Variants in AP1S3 observed in about 807,000 individuals in gnomAD.
The protein encoded by AP1S3 is AP-1 complex subunit sigma-3.
In AP1S3, 10 loss-of-function variants were observed where a neutral mutation model predicts 20.9. That is an observed-to-expected ratio of 0.48 (90% CI 0.29 to 0.81). The LOEUF (loss-of-function observed/expected upper bound fraction) is 0.81. Among genes scored for constraint, AP1S3 ranks in the 30% least tolerant of loss-of-function variants. The pLI is 0.08. For synonymous variants in AP1S3, 41 were observed against 61.5 expected, an observed-to-expected ratio of 0.67 and a Z score of 1.56; for missense variants, 154 against 183.8, an observed-to-expected ratio of 0.84 and a Z score of 0.94.
At chr2:223,832,234 G>A (rs12694622) in intron 1 of AP1S3, among the ~76,000 whole-genome samples, 48,394 of 149,638 alleles carry the variant, frequency 0.32, 8,264 homozygotes, top group Middle Eastern at 0.42. Context: ...AATAATTCAC[G>A]GGACCCAAAA....
At chr2:223,822,941 T>A (rs1390967452) in intron 1 of AP1S3, among the ~76,000 whole-genome samples, 1 of 151,804 alleles carries the variant, frequency 6.6e-6, no homozygotes, top group Admixed American at 6.6e-5. Flanking sequence ...ACATAGACAT[T>A]TCTTGAAAAA....
chr2:223,786,750 C>T (rs771400057), intron 1 of AP1S3, among the ~76,000 whole-genome samples: 8 of 151,846 alleles, frequency 5.3e-5, no homozygotes, highest in Non-Finnish European at 7.4e-5. Context: ...AAAAAAGATA[C>T]AAAAATTAGC....
intron 3 of AP1S3, among the ~76,000 whole-genome samples, chr2:223,774,289 C>T (rs9797994): frequency 0.65 from 98,653 of 151,340 alleles, 32,914 homozygotes; most frequent in East Asian, 0.81. Flanking sequence ...CGCTTGAACT[C>T]GGGAGGCAGA....
In AP1S3 at chr2:223,777,813, G is replaced by A; in HGVS notation, c.60C>T (p.Tyr20=). ...TCCTCTCTTTATCAGGGAGAGTGAT[G>A]TACCATTTCTGTAGCCGTAATTTCC... ...RQGKLRLQKW[Y]ITLPDKERKK... The change falls in exon 2 of 5, where the codon TAC becomes TAT. Residue 20 remains tyrosine (Y), a synonymous_variant. Coordinates refer to ENST00000396654, the MANE Select transcript of AP1S3 (RefSeq NM_001039569.2). 6.2e-7 allele frequency: 1 copy of A among 1,614,088 alleles called. No individual in the cohort carries two copies. Among genetic ancestry groups the A allele is most frequent in the South Asian group, 1.1e-5 (1 of 91,062 alleles).
At chr2:223,801,735 C>T (rs893677851) in intron 1 of AP1S3, among the ~76,000 whole-genome samples, 1 of 152,116 alleles carries the variant, frequency 6.6e-6, no homozygotes, top group Non-Finnish European at 1.5e-5. Context: ...TGAGCCACTG[C>T]ACCCGGCCCA....
intron 2 of AP1S3, among the ~76,000 whole-genome samples, chr2:223,777,089 C>G (rs1191771672): frequency 6.6e-6 from 1 of 152,222 alleles, no homozygotes; most frequent in Non-Finnish European, 1.5e-5. Flanking sequence ...TGATGTATCA[C>G]AGCCATTAGA....
chr2:223,755,528 C>CTTT lies in AP1S3; in HGVS notation c.*3186_*3187insAAA, dbSNP rs1559270524. Reference sequence around the variant, plus strand: ...CCATATAGATATGTTTACTTACTTTCATTTTTTTTTTTTTTTTTTTGAGAC... The same window carrying CTTT: ...CCATATAGATATGTTTACTTACTTTCTTTATTTTTTTTTTTTTTTTTTTGAGAC... On this transcript the variant is annotated 3_prime_UTR_variant, in exon 5 of 5. Coordinates refer to ENST00000396654, the MANE Select transcript of AP1S3 (RefSeq NM_001039569.2). Among the ~76,000 whole-genome samples the CTTT allele has an allele frequency of 2.5e-5, 2 of 81,002 alleles. No individual in the cohort carries two copies. Among genetic ancestry groups the CTTT allele is most frequent in the African/African-American group, 9.0e-5 (2 of 22,100 alleles). 53.1% of individuals were successfully genotyped at this position (81,002 alleles called of 152,430 possible). A position where few individuals can be genotyped will look rare whatever the true frequency, so the allele number is the denominator to read the frequency against.
At chr2:223,784,579 T>A (rs1261565364) in intron 1 of AP1S3, among the ~76,000 whole-genome samples, 1 of 151,806 alleles carries the variant, frequency 6.6e-6, no homozygotes, top group Non-Finnish European at 1.5e-5. Context: ...ATAACCCAAG[T>A]CTCTCTCATC....
chr2:223,786,547 AATT>A, intron 1 of AP1S3, among the ~76,000 whole-genome samples: 1 of 152,016 alleles, frequency 6.6e-6, no homozygotes. Flanking sequence ...TGAGGCCAGG[AATT>A]CAAGACTAGC....
intron 1 of AP1S3, among the ~76,000 whole-genome samples, chr2:223,819,073 T>C (rs1394262454): frequency 6.6e-6 from 1 of 152,182 alleles, no homozygotes; most frequent in African/African-American, 2.4e-5. Context: ...TCTACACTTA[T>C]AATGTGATGT....
At chr2:223,772,702 C>T (rs905106533) in intron 3 of AP1S3, among the ~76,000 whole-genome samples, 5 of 152,152 alleles carry the variant, frequency 3.3e-5, no homozygotes, top group Admixed American at 6.5e-5. Flanking sequence ...TTTGATCCGT[C>T]TGTCTTCAGC....
At chr2:223,823,244 T>C (rs747950043) in intron 1 of AP1S3, among the ~76,000 whole-genome samples, 3 of 152,150 alleles carry the variant, frequency 2.0e-5, no homozygotes, top group African/African-American at 7.2e-5. Flanking sequence ...ACTGAGTATA[T>C]ACCCAAGGGA....
chr2:223,791,026 CA>C (rs1244693218), intron 1 of AP1S3, among the ~76,000 whole-genome samples: 1 of 152,160 alleles, frequency 6.6e-6, no homozygotes, highest in African/African-American at 2.4e-5. Context: ...GAAGTTGAGA[CA>C]GTAACAAACA....
At chr2:223,785,133 G>A (rs1370300871) in intron 1 of AP1S3, among the ~76,000 whole-genome samples, 1 of 152,156 alleles carries the variant, frequency 6.6e-6, no homozygotes, top group Non-Finnish European at 1.5e-5. Flanking sequence ...CTGAGGTCAG[G>A]AGTTCAAGAT....
chr2:223,817,621 A>AAAAAAAAAAAG (rs1553525097), intron 1 of AP1S3, among the ~76,000 whole-genome samples: 2 of 148,448 alleles, frequency 1.3e-5, no homozygotes, highest in African/African-American at 5.0e-5. Flanking sequence ...AAAAAAAAAA[A>AAAAAAAAAAAG]AAAGAAAAGA....
chr2:223,794,941 C>T (rs1691299544), intron 1 of AP1S3, among the ~76,000 whole-genome samples: 1 of 152,210 alleles, frequency 6.6e-6, no homozygotes. Context: ...CTTCCAGAAG[C>T]CAAGCTGCCT....
chr2:223,770,727 A>T (rs10180304), intron 3 of AP1S3, among the ~76,000 whole-genome samples: 14,049 of 115,198 alleles, frequency 0.12, 1,138 homozygotes, highest in South Asian at 0.19. Flanking sequence ...AGACCAGTTC[A>T]TTTTTTTTTT....
intron 2 of AP1S3, 80 bp downstream of exon 2, chr2:223,777,611 G>A: frequency 8.0e-7 from 1 of 1,254,474 alleles, no homozygotes; most frequent in Non-Finnish European, 1.1e-6. Context: ...GATGGAATTG[G>A]TATAGCAATC....
chr2:223,816,629 A>G (rs1691849645), intron 1 of AP1S3, among the ~76,000 whole-genome samples: 1 of 152,226 alleles, frequency 6.6e-6, no homozygotes, highest in African/African-American at 2.4e-5. Context: ...GTCTGACACT[A>G]AAGCCTGAGG....
Sources: allele counts gnomAD v4.1 joint callset (sites outside exome capture counted in the v4.1 genomes callset), GRCh38; gene constraint gnomAD v4.1.1; transcripts MANE v1.5; gene names NCBI Gene and HGNC (gene_info 2026-07-23, HGNC 2026-07-21).